Variants in WDPCP observed in about 807,000 individuals in gnomAD.
WDPCP encodes WD repeat containing planar cell polarity effector.
A neutral mutation model predicts 93.1 loss-of-function variants in WDPCP; 71 were observed. The observed-to-expected ratio is 0.76, with a 90% CI of 0.63 to 0.93. The LOEUF is 0.93. Ranked by LOEUF, WDPCP falls within the 40% of genes least tolerant of loss-of-function variation. WDPCP has a pLI of 0.00. For missense variants in WDPCP, 844 were observed against 887.4 expected (o/e 0.95, Z 0.62); for synonymous variants, 315 against 315.0 (o/e 1.00, Z 0.00).
intron 2 of WDPCP, among the ~76,000 whole-genome samples, chr2:63,806,608 G>A (rs942786725): frequency 1.3e-5 from 2 of 152,118 alleles, no homozygotes; most frequent in African/African-American, 4.8e-5. Flanking sequence ...GGAGCGCTAT[G>A]GGAGACGAGT....
intron 3 of WDPCP, among the ~76,000 whole-genome samples, chr2:63,611,594 T>C (rs1709615691): frequency 1.3e-5 from 2 of 152,192 alleles, no homozygotes; most frequent in South Asian, 4.1e-4. Flanking sequence ...TTCCTAGTTG[T>C]CCTTGTGAAA....
intron 6 of WDPCP, among the ~76,000 whole-genome samples, chr2:63,456,497 T>G (rs2105707360): frequency 6.6e-6 from 1 of 152,284 alleles, no homozygotes; most frequent in Non-Finnish European, 1.5e-5. Context: ...GCTGTGTTTT[T>G]GGGACACAGT....
chr2:63,834,635 G>C, the WDPCP span, among the ~76,000 whole-genome samples: 4 of 152,204 alleles, frequency 2.6e-5, no homozygotes, highest in Non-Finnish European at 4.4e-5. Context: ...TGGCCAAGAG[G>C]AGCAGCATCT....
chr2:63,179,245 A>C (rs1185262834), intron 14 of WDPCP, among the ~76,000 whole-genome samples: 1 of 151,590 alleles, frequency 6.6e-6, no homozygotes, highest in African/African-American at 2.4e-5. Context: ...GTAATTTATA[A>C]AGAAAAGGGG....
At chr2:63,758,638 C>A (rs1341480603) in intron 2 of WDPCP, among the ~76,000 whole-genome samples, 1 of 152,134 alleles carries the variant, frequency 6.6e-6, no homozygotes, top group Non-Finnish European at 1.5e-5. Context: ...TAGGCTTTCA[C>A]CGTGTTGCCC....
At chr2:63,666,465 G>A (rs1247019464) in intron 2 of WDPCP, among the ~76,000 whole-genome samples, 2 of 152,198 alleles carry the variant, frequency 1.3e-5, no homozygotes, top group Non-Finnish European at 2.9e-5. Flanking sequence ...GGTTCTCCGT[G>A]TATGTTTAAA....
intron 1 of WDPCP, among the ~76,000 whole-genome samples, chr2:63,581,463 A>G (rs1261114184): frequency 2.0e-5 from 3 of 152,186 alleles, no homozygotes; most frequent in African/African-American, 7.2e-5. Flanking sequence ...CTTGGCACTC[A>G]TATCGGGCTG....
rs761984635 is a variant in WDPCP, at chr2:63,404,252, T to G, written c.1231A>C (p.Ile411Leu). The G allele has an allele frequency of 6.2e-7, 1 of 1,613,632 alleles. No homozygotes were observed. The highest frequency in any genetic ancestry group is 1.3e-5 in the African/African-American group (1 of 74,928). ...LQIFDMALSPINIQLLAEDRL... is the reference protein window; with the variant it reads ...LQIFDMALSPLNIQLLAEDRL... The stretch of plus-strand genomic sequence containing the variant: ...TCTTCAGCCAACAGTTGGATGTTAA[T>G]AGGGGATAGAGCCATATCAAAAATT... Residue 411 changes from isoleucine (I) to leucine (L), a missense_variant, in exon 10 of 18, where the codon ATT becomes CTT. By Grantham distance (5) the Ile-to-Leu change is conservative (BLOSUM62 2). Coordinates refer to ENST00000272321, the MANE Select transcript of WDPCP (RefSeq NM_015910.7).
At chr2:63,537,701 T>C (rs1704401140) in intron 1 of WDPCP, among the ~76,000 whole-genome samples, 1 of 152,204 alleles carries the variant, frequency 6.6e-6, no homozygotes, top group South Asian at 2.1e-4. Context: ...TAGCCAAAAC[T>C]TTCTCCAGGG....
intron 1 of WDPCP, among the ~76,000 whole-genome samples, chr2:63,555,445 C>T (rs1323676981): frequency 1.3e-5 from 2 of 152,226 alleles, no homozygotes; most frequent in African/African-American, 4.8e-5. Context: ...CGGTCCAGGC[C>T]AGTGGGATTC....
At chr2:63,607,250 C>T (rs1386878226) in intron 3 of WDPCP, 1 of 220,302 alleles carries the variant, frequency 4.5e-6, no homozygotes, top group Admixed American at 5.9e-5. Context: ...AGGAAGCAAA[C>T]TTGCGGACAG....
chr2:63,354,150 G>A (rs1169379929), intron 12 of WDPCP, among the ~76,000 whole-genome samples: 1 of 152,002 alleles, frequency 6.6e-6, no homozygotes, highest in East Asian at 1.9e-4. Context: ...GACCCAAAGA[G>A]AGGCCAGTCC....
chr2:63,251,939 A>G (rs182876978), intron 14 of WDPCP, among the ~76,000 whole-genome samples: 1 of 152,116 alleles, frequency 6.6e-6, no homozygotes, highest in Admixed American at 6.5e-5. Flanking sequence ...CATTCTATGA[A>G]GCCAGAACCA....
chr2:63,439,911 G>T, intron 6 of WDPCP, 40 bp from the exon 7 acceptor site: 1 of 1,492,670 alleles, frequency 6.7e-7, no homozygotes, highest in Non-Finnish European at 9.3e-7. Context: ...AGGAAGACAT[G>T]CTGTGATTTA....
At chr2:63,577,482 A>T (rs1708196168) in intron 1 of WDPCP, among the ~76,000 whole-genome samples, 1 of 152,186 alleles carries the variant, frequency 6.6e-6, no homozygotes, top group African/African-American at 2.4e-5. Context: ...CCCTTCCTTT[A>T]TCCCATTTCA....
Position 63,618,637 on chromosome 2 carries a change from G to A in WDPCP, n.488+32022C>T, listed in dbSNP as rs186028049. Among the ~76,000 whole-genome samples, 12 of 151,912 alleles carry A rather than the reference G, an allele frequency of 7.9e-5. No homozygotes were observed. The East Asian group carries it at 1.4e-3, about 17-fold the overall frequency. ...TCACTTTTTGAAGCATGGGTACTGT[G>A]GGCCTTTTAAAATGTGTTACTTTTG... On this transcript the variant is annotated intron_variant and non_coding_transcript_variant, in intron 3 of 4. Transcript: ENST00000467687.
At chr2:63,288,784 C>G (rs1165924549) in intron 13 of WDPCP, among the ~76,000 whole-genome samples, 4 of 152,092 alleles carry the variant, frequency 2.6e-5, no homozygotes, top group Admixed American at 6.5e-5. Context: ...TTTCTTGATG[C>G]ATTTAGTTGT....
At chr2:63,597,471 C>T in intron 3 of WDPCP, 1 of 1,513,518 alleles carries the variant, frequency 6.6e-7, no homozygotes, top group Non-Finnish European at 8.9e-7. Context: ...GGCTCCATGC[C>T]AAGAAGGGAA....
At chr2:63,326,958 G>C (rs1275876763) in intron 12 of WDPCP, among the ~76,000 whole-genome samples, 2 of 152,188 alleles carry the variant, frequency 1.3e-5, no homozygotes, top group Non-Finnish European at 1.5e-5. Flanking sequence ...GTGTGAACAA[G>C]GGTGTAGCCT....
Sources: allele counts gnomAD v4.1 joint callset (sites outside exome capture counted in the v4.1 genomes callset), GRCh38; gene constraint gnomAD v4.1.1; transcripts MANE v1.5; gene names NCBI Gene and HGNC (gene_info 2026-07-23, HGNC 2026-07-21).